PDE1A: variants seen among roughly 807,000 people sequenced by gnomAD.
The protein encoded by PDE1A is dual specificity calcium/calmodulin-dependent 3',5'-cyclic nucleotide phosphodiesterase 1A.
PDE1A carries 35 observed loss-of-function variants against 61.7 expected under a neutral mutation model. The ratio of observed to expected loss-of-function variants is 0.57; its 90% CI spans 0.43 to 0.75. PDE1A has a LOEUF of 0.75. Among genes scored for constraint, PDE1A ranks in the 30% least tolerant of loss-of-function variants. The pLI is 0.00. For missense variants in PDE1A, 597 were observed against 630.6 expected (o/e 0.95, Z 0.57); for synonymous variants, 232 against 213.2 (o/e 1.09, Z -0.77).
intron 1 of PDE1A, among the ~76,000 whole-genome samples, chr2:182,419,476 C>T (rs1402759437): frequency 2.0e-5 from 3 of 151,994 alleles, no homozygotes; most frequent in African/African-American, 7.3e-5. Flanking sequence ...GCTAGGACTA[C>T]AGGCGTGTGC....
At chr2:182,590,479 G>A in the PDE1A span, among the ~76,000 whole-genome samples, 3 of 152,004 alleles carry the variant, frequency 2.0e-5, no homozygotes, top group African/African-American at 7.3e-5. Context: ...AAAAAAAAAT[G>A]TGTGTGCACA....
chr2:182,180,814 G>A (rs1364151574), intron 13 of PDE1A, among the ~76,000 whole-genome samples: 1 of 151,170 alleles, frequency 6.6e-6, no homozygotes, highest in African/African-American at 2.4e-5. Context: ...AATCTTGTCT[G>A]CATGCCTTAT....
At chr2:182,147,267 G>C (rs1690545438) in intron 13 of PDE1A, 115 bp from the exon 14 acceptor site, 1 of 545,348 alleles carries the variant, frequency 1.8e-6, no homozygotes, top group Non-Finnish European at 3.2e-6. Flanking sequence ...TTTTACAATG[G>C]ATTTTGTGGC....
chr2:182,258,834 C>G lies in PDE1A; in HGVS notation c.167+5467G>C, dbSNP rs544944052. On this transcript the variant is annotated intron_variant, in intron 2 of 13. Transcript: ENST00000351439. ...CTCTGGTTATCAGTTACTGTTGATA[C>G]TTGGTGTTTCCTCCTTGTAATCTGT... 2.0e-5 allele frequency among the ~76,000 whole-genome samples: 3 copies of G among 152,302 alleles called. No homozygotes were observed. The South Asian group carries it at 6.2e-4, about 32-fold the overall frequency.
intron 2 of PDE1A, among the ~76,000 whole-genome samples, chr2:182,496,072 T>C (rs755452400): frequency 1.6e-4 from 24 of 152,346 alleles, no homozygotes; most frequent in Non-Finnish European, 3.2e-4. Context: ...TACCCCCAAT[T>C]AATAGGAATT....
chr2:182,576,200 C>A, the PDE1A span, among the ~76,000 whole-genome samples: 1 of 152,054 alleles, frequency 6.6e-6, no homozygotes, highest in African/African-American at 2.4e-5. Context: ...ACTCTGCACC[C>A]ATGAATCCAA....
the PDE1A span, among the ~76,000 whole-genome samples, chr2:182,615,096 T>A: frequency 6.6e-6 from 1 of 152,208 alleles, no homozygotes; most frequent in Non-Finnish European, 1.5e-5. Flanking sequence ...TGCATGCCAT[T>A]TTCACCATTT....
downstream of PDE1A, among the ~76,000 whole-genome samples, chr2:182,146,407 T>C (rs1574489235): frequency 6.6e-6 from 1 of 152,222 alleles, no homozygotes; most frequent in East Asian, 1.9e-4. Flanking sequence ...AAGAAATCAG[T>C]CTAAAACATT....
At chr2:182,560,992 C>G in the PDE1A span, among the ~76,000 whole-genome samples, 1 of 149,628 alleles carries the variant, frequency 6.7e-6, no homozygotes, top group African/African-American at 2.4e-5. Flanking sequence ...AAAATTTTCT[C>G]CCATTTTGTA....
intron 2 of PDE1A, among the ~76,000 whole-genome samples, chr2:182,448,963 T>C (rs937595258): frequency 2.0e-5 from 3 of 151,940 alleles, no homozygotes; most frequent in African/African-American, 7.2e-5. Context: ...GATTCTTCTC[T>C]ATATTTAAAG....
intron 2 of PDE1A, among the ~76,000 whole-genome samples, chr2:182,435,557 G>A (rs991951821): frequency 3.3e-5 from 5 of 152,014 alleles, no homozygotes; most frequent in Non-Finnish European, 7.4e-5. Flanking sequence ...GTTGTAATTA[G>A]GGAACAATTA....
At chr2:182,156,903 A>T (rs781036405) in intron 13 of PDE1A, among the ~76,000 whole-genome samples, 10 of 151,968 alleles carry the variant, frequency 6.6e-5, no homozygotes, top group Non-Finnish European at 1.5e-4. Flanking sequence ...AACTGAAGTA[A>T]GTATCTATGC....
At chr2:182,363,209 T>G (rs1283388752) in intron 1 of PDE1A, among the ~76,000 whole-genome samples, 1 of 152,016 alleles carries the variant, frequency 6.6e-6, no homozygotes, top group Non-Finnish European at 1.5e-5. Flanking sequence ...CCCCTGAACC[T>G]GAACTTAAAA....
intron 1 of PDE1A, among the ~76,000 whole-genome samples, chr2:182,302,276 G>A (rs559333350): frequency 6.6e-6 from 1 of 152,126 alleles, no homozygotes; most frequent in Non-Finnish European, 1.5e-5. Flanking sequence ...GATTGCAATA[G>A]AAATAATACC....
rs556675606 is a variant in PDE1A at position 182,365,621 on chromosome 2, T to C, written c.53+60957A>G. Among the ~76,000 whole-genome samples the C allele has an allele frequency of 2.0e-5, 3 of 152,140 alleles. No homozygotes were observed. The South Asian group carries it at 6.2e-4, about 32-fold the overall frequency. On this transcript the variant is annotated intron_variant, in intron 1 of 13. Coordinates refer to ENST00000351439, the Ensembl canonical transcript of PDE1A. ...TCTTTCCTTATTTCTATTCATCCTGTGTTCTTCTCCTTACTCCTCTCTCTC... is the reference window on the plus strand; with the variant it reads ...TCTTTCCTTATTTCTATTCATCCTGCGTTCTTCTCCTTACTCCTCTCTCTC...
intron 1 of PDE1A, among the ~76,000 whole-genome samples, chr2:182,297,047 G>A (rs1694932138): frequency 6.6e-6 from 1 of 152,084 alleles, no homozygotes; most frequent in Non-Finnish European, 1.5e-5. Flanking sequence ...AGCAGATCTT[G>A]GGACTTCTCA....
chr2:182,168,109 G>A, exon 14 of PDE1A: 1 of 1,385,292 alleles, frequency 7.2e-7, no homozygotes, highest in Non-Finnish European at 9.3e-7. Flanking sequence ...GGCTCATGAT[G>A]CTTATTGAGC....
chr2:182,345,206 A>C (rs1698446984), intron 1 of PDE1A, among the ~76,000 whole-genome samples: 1 of 152,188 alleles, frequency 6.6e-6, no homozygotes, highest in Non-Finnish European at 1.5e-5. Context: ...ATAGACATCT[A>C]ACACTGAATA....
At chr2:182,174,989 G>A (rs1197020071) in intron 13 of PDE1A, among the ~76,000 whole-genome samples, 2 of 152,038 alleles carry the variant, frequency 1.3e-5, no homozygotes, top group African/African-American at 4.8e-5. Flanking sequence ...GTAAGAACAT[G>A]TTGTATTTGG....
Sources: gnomAD v4.1 joint callset for allele counts (sites outside exome capture counted in the v4.1 genomes callset) on GRCh38, gnomAD v4.1.1 for gene constraint, MANE v1.5 for transcripts, NCBI Gene and HGNC (gene_info 2026-07-23, HGNC 2026-07-21) for gene names.